The following ANKRD55 variants were observed in gnomAD, a reference collection of about 807,000 sequenced individuals.
ANKRD55 encodes ankyrin repeat domain-containing protein 55.
A neutral mutation model predicts 60.6 loss-of-function variants in ANKRD55; 41 were observed. The observed-to-expected ratio is 0.68, with a 90% confidence interval of 0.53 to 0.88. The LOEUF (loss-of-function observed/expected upper bound fraction) is 0.88, where lower values mean the gene tolerates loss of function less well. Ranked by LOEUF, ANKRD55 falls within the 40% of genes least tolerant of loss-of-function variation. ANKRD55 has a pLI of 0.00. For missense variants in ANKRD55, 732 were observed against 767.6 expected (o/e 0.95, Z 0.55); for synonymous variants, 264 against 290.3 (o/e 0.91, Z 0.92).
intron 5 of ANKRD55, among the ~76,000 whole-genome samples, chr5:56,166,369 A>G (rs1185527764): frequency 4.0e-5 from 6 of 151,458 alleles, no homozygotes; most frequent in Admixed American, 2.0e-4. Context: ...GCAATCTTCC[A>G]GTCTCAGCCT....
intron 8 of ANKRD55, among the ~76,000 whole-genome samples, chr5:56,118,886 AC>A (rs1756957561): frequency 1.3e-5 from 2 of 152,050 alleles, no homozygotes; most frequent in South Asian, 4.1e-4. Flanking sequence ...AAACAAACAA[AC>A]CAAAAAACCC....
intron 9 of ANKRD55, among the ~76,000 whole-genome samples, chr5:56,113,717 AG>A (rs916549887): frequency 6.6e-6 from 1 of 152,020 alleles, no homozygotes; most frequent in African/African-American, 2.4e-5. Context: ...TGGGAGGTGT[AG>A]GTCGAAGGGT....
chr5:56,200,049 A>G (rs1207179191), intron 2 of ANKRD55, among the ~76,000 whole-genome samples: 1 of 152,188 alleles, frequency 6.6e-6, no homozygotes, highest in Non-Finnish European at 1.5e-5. Context: ...ACGTGCATCA[A>G]AAAGTCTATA....
intron 6 of ANKRD55, among the ~76,000 whole-genome samples, chr5:56,158,357 A>G (rs1758247237): frequency 6.6e-6 from 1 of 152,218 alleles, no homozygotes; most frequent in Non-Finnish European, 1.5e-5. Context: ...AACCAAACCA[A>G]GCACATATTT....
chr5:56,185,729 G>A (rs866536003), intron 2 of ANKRD55, among the ~76,000 whole-genome samples: 1 of 151,960 alleles, frequency 6.6e-6, no homozygotes, highest in African/African-American at 2.4e-5. Context: ...TTCTGCTAAT[G>A]TGGATATTAT....
chr5:56,215,756 C>G (rs1488266673), intron 2 of ANKRD55, among the ~76,000 whole-genome samples: 1 of 152,124 alleles, frequency 6.6e-6, no homozygotes, highest in Non-Finnish European at 1.5e-5. Context: ...GAATCTGTCT[C>G]AAAGTCTGTG....
At chr5:56,135,281 TG>T (rs1336687502) in intron 7 of ANKRD55, among the ~76,000 whole-genome samples, 497 of 47,218 alleles carry the variant, frequency 0.011, 22 homozygotes, top group Middle Eastern at 0.036. Flanking sequence ...CCTCCCTCCC[TG>T]CCTGCCTGCT....
intron 5 of ANKRD55, chr5:56,160,830 A>T (rs1758309585): frequency 6.6e-6 from 1 of 152,190 alleles, no homozygotes. Flanking sequence ...TCAACGCTCC[A>T]TCTGGGAGAG....
At chr5:56,173,508 T>C (rs536041861) in intron 4 of ANKRD55, among the ~76,000 whole-genome samples, 2 of 143,836 alleles carry the variant, frequency 1.4e-5, no homozygotes, top group East Asian at 4.3e-4. Flanking sequence ...CCAATTCTTA[T>C]ATATCAAATA....
chr5:56,193,160 G>T, intron 2 of ANKRD55: 1 of 680,014 alleles, frequency 1.5e-6, no homozygotes, highest in East Asian at 3.3e-5. Context: ...TGTAAAACAG[G>T]GCTGTATGAG....
chr5:56,116,790 G>T lies in ANKRD55; in HGVS notation c.798-8C>A, dbSNP rs1415898488. 1.9e-6 allele frequency: 3 copies of T among 1,593,114 alleles called. No individual in the cohort carries two copies. The highest frequency in any genetic ancestry group is 2.6e-6 in the Non-Finnish European group (3 of 1,171,406). On this transcript the variant is annotated splice_polypyrimidine_tract_variant and splice_region_variant and intron_variant, in intron 8 of 11. Transcript: ENST00000341048. ...GCCCAGTGCAGAGGTGTCCTGGAGG[G>T]GCCATGTGAAAAAAGCACAAGCGTC...
rs1236279231 is a variant in ANKRD55, at chr5:56,135,339, C to CTT, written c.613-8235_613-8234dup. Reference sequence around the variant, plus strand: ...TCTTTCTTTCTTTCTTTCTTTCTTTCTTTCTTTCTTTCTTTCTTTCTTTCT... The same window carrying CTT: ...TCTTTCTTTCTTTCTTTCTTTCTTTCTTTTTCTTTCTTTCTTTCTTTCTTTCT... On this transcript the variant is annotated intron_variant, in intron 7 of 11. Coordinates refer to ENST00000341048, the MANE Select transcript of ANKRD55 (RefSeq NM_024669.3). Among the ~76,000 whole-genome samples the CTT allele has an allele frequency of 5.2e-3, 101 of 19,482 alleles. 8 individuals are homozygous for CTT. Among genetic ancestry groups the CTT allele is most frequent in the African/African-American group, 0.032 (92 of 2,838 alleles). The allele number at this position is 19,482 out of a possible 152,430, so 12.8% of individuals were successfully genotyped here. A position where few individuals can be genotyped will look rare whatever the true frequency, so the allele number is the denominator to read the frequency against.
At chr5:56,213,281 G>T (rs754096376) in intron 2 of ANKRD55, among the ~76,000 whole-genome samples, 12 of 152,112 alleles carry the variant, frequency 7.9e-5, no homozygotes, top group Non-Finnish European at 1.5e-4. Flanking sequence ...GAAAACAAAA[G>T]AATATATTTA....
At chr5:56,138,133 T>C (rs904626843) in intron 7 of ANKRD55, among the ~76,000 whole-genome samples, 7 of 149,474 alleles carry the variant, frequency 4.7e-5, no homozygotes, top group Non-Finnish European at 8.9e-5. Context: ...TTTTCTTTTT[T>C]TTTTTTTTTT....
rs1443019805 is a variant in ANKRD55, at chr5:56,183,607, G to C, written c.86C>G (p.Thr29Ser). 6.2e-7 allele frequency: 1 copy of C among 1,614,074 alleles called. No individual in the cohort carries two copies. Among genetic ancestry groups the C allele is most frequent in the African/African-American group, 1.3e-5 (1 of 74,924 alleles). The change falls in exon 3 of 12, where the codon ACC becomes AGC. Residue 29 changes from threonine (T) to serine (S), a missense_variant. By Grantham distance (58) the Thr-to-Ser change is moderately conservative. Coordinates refer to ENST00000341048, the MANE Select transcript of ANKRD55 (RefSeq NM_024669.3). ...ATTAGAGGCTGCTTGATAAACCATG[G>C]TCAGGTCAACTTCCTCAGATGAGTC... is the stretch of plus-strand genomic sequence containing the variant. ...RGDSSEEVDL[T>S]MVYQAASNGD...
intron 7 of ANKRD55, among the ~76,000 whole-genome samples, chr5:56,129,449 T>C (rs1485864997): frequency 1.3e-5 from 2 of 152,226 alleles, no homozygotes; most frequent in African/African-American, 2.4e-5. Flanking sequence ...TCATGTATTC[T>C]GAAAATGATT....
chr5:56,228,398 A>G (rs1248684555), intron 2 of ANKRD55, among the ~76,000 whole-genome samples: 2 of 151,920 alleles, frequency 1.3e-5, no homozygotes, highest in African/African-American at 4.8e-5. Flanking sequence ...ATTCTTTCCT[A>G]AAGGTTCTAG....
chr5:56,134,882 A>G (rs746093867), intron 7 of ANKRD55, among the ~76,000 whole-genome samples: 6 of 152,128 alleles, frequency 3.9e-5, no homozygotes, highest in Non-Finnish European at 7.4e-5. Flanking sequence ...CTAGCAACGT[A>G]AAAAAAGAAT....
chr5:56,164,319 G>A (rs1758399631), intron 5 of ANKRD55, among the ~76,000 whole-genome samples: 1 of 152,000 alleles, frequency 6.6e-6, no homozygotes, highest in South Asian at 2.1e-4. Flanking sequence ...AGTGACAGGT[G>A]GGAAAAAATG....
Sources: allele counts gnomAD v4.1 joint callset (sites outside exome capture counted in the v4.1 genomes callset), GRCh38; gene constraint gnomAD v4.1.1; transcripts MANE v1.5; gene names NCBI Gene and HGNC (gene_info 2026-07-23, HGNC 2026-07-21).